Variants in NPAS3 observed in about 807,000 individuals in gnomAD.
NPAS3 encodes the protein neuronal PAS domain protein 3, also known as neuronal PAS domain-containing protein 3.
A neutral mutation model predicts 73.1 loss-of-function variants in NPAS3; 14 were observed. The observed-to-expected ratio is 0.19, with a 90% CI of 0.13 to 0.30. The LOEUF (loss-of-function observed/expected upper bound fraction) is 0.30. NPAS3 is among the 10% of genes least tolerant of loss of function. NPAS3 has a pLI of 1.00. For synonymous variants in NPAS3, 620 were observed against 541.5 expected, an observed-to-expected ratio of 1.14 and a Z score of -2.01; for missense variants, 1,096 against 1,250.0, an observed-to-expected ratio of 0.88 and a Z score of 1.86.
At chr14:33,404,922 G>A (rs2047597939) in intron 4 of NPAS3, among the ~76,000 whole-genome samples, 1 of 152,028 alleles carries the variant, frequency 6.6e-6, no homozygotes, top group South Asian at 2.1e-4. Context: ...TCTGGTCATT[G>A]TTGTCTGTTT....
chr14:33,286,002 T>G (rs2041859994), intron 3 of NPAS3, among the ~76,000 whole-genome samples: 1 of 152,168 alleles, frequency 6.6e-6, no homozygotes, highest in Admixed American at 6.5e-5. Flanking sequence ...TACACTGTTT[T>G]ATGGGATGTC....
chr14:33,532,543 A>G (rs2054091022), intron 4 of NPAS3, among the ~76,000 whole-genome samples: 1 of 152,060 alleles, frequency 6.6e-6, no homozygotes, highest in South Asian at 2.1e-4. Flanking sequence ...TGATTTGTCC[A>G]AGCTCATAGG....
At chr14:33,433,653 C>T (rs2048867505) in intron 4 of NPAS3, among the ~76,000 whole-genome samples, 1 of 152,120 alleles carries the variant, frequency 6.6e-6, no homozygotes, top group Non-Finnish European at 1.5e-5. Flanking sequence ...TCTTGGACTT[C>T]ATTTATATGT....
intron 5 of NPAS3, among the ~76,000 whole-genome samples, chr14:33,664,274 T>C (rs1372459906): frequency 1.3e-5 from 2 of 152,136 alleles, no homozygotes; most frequent in Non-Finnish European, 2.9e-5. Context: ...GGGGAAAGGA[T>C]TCCCTATTTA....
intron 1 of NPAS3, among the ~76,000 whole-genome samples, chr14:33,016,138 T>G (rs2039384202): frequency 6.6e-6 from 1 of 152,148 alleles, no homozygotes; most frequent in East Asian, 1.9e-4. Flanking sequence ...AACGATGGAA[T>G]AATTGAATAC....
chr14:33,070,848 G>A (rs138476786), intron 2 of NPAS3, among the ~76,000 whole-genome samples: 3 of 152,280 alleles, frequency 2.0e-5, no homozygotes, highest in African/African-American at 4.8e-5. Flanking sequence ...GACTTTGTGC[G>A]ACATAGGTAT....
intron 6 of NPAS3, among the ~76,000 whole-genome samples, chr14:33,685,725 C>T (rs1045286705): frequency 6.6e-6 from 1 of 152,208 alleles, no homozygotes; most frequent in African/African-American, 2.4e-5. Context: ...ATTCTGATAA[C>T]ATTAATGATA....
intron 2 of NPAS3, among the ~76,000 whole-genome samples, chr14:33,142,456 A>G (rs543399265): frequency 7.9e-5 from 12 of 152,148 alleles, no homozygotes; most frequent in African/African-American, 2.9e-4. Context: ...TTCATGCCCT[A>G]TACTAGGATC....
intron 3 of NPAS3, among the ~76,000 whole-genome samples, chr14:33,240,381 A>G (rs2048175748): frequency 1.3e-5 from 2 of 151,468 alleles, no homozygotes; most frequent in East Asian, 3.9e-4. Context: ...TTTTCTTTTT[A>G]ATATATTTCA....
At chr14:33,221,258 T>C (rs2047415405) in intron 3 of NPAS3, among the ~76,000 whole-genome samples, 1 of 152,178 alleles carries the variant, frequency 6.6e-6, no homozygotes. Context: ...CATGGTGTCA[T>C]TTCTGTTCAG....
At chr14:33,514,686 G>A (rs1174189650) in intron 4 of NPAS3, among the ~76,000 whole-genome samples, 6 of 151,992 alleles carry the variant, frequency 3.9e-5, no homozygotes, top group Admixed American at 1.3e-4. Flanking sequence ...CTAAAAGATC[G>A]TACTGTACCT....
In NPAS3 at chr14:33,472,963, A is replaced by G. The variant is rs557458872; in HGVS notation, c.469-87158A>G. Among the ~76,000 whole-genome samples the G allele has an allele frequency of 2.0e-5, 3 of 147,170 alleles. No individual in the cohort carries two copies. The South Asian group carries it at 6.2e-4, about 31-fold the overall frequency. Reference sequence around the variant, plus strand: ...AAAAAGCAAAAACAGCCGAAACCCAATCAAACAGTAGTGGATCTAAACGGA... The same window carrying G: ...AAAAAGCAAAAACAGCCGAAACCCAGTCAAACAGTAGTGGATCTAAACGGA... On this transcript the variant is annotated intron_variant, in intron 4 of 11. Transcript: ENST00000356141.
chr14:33,206,834 C>A (rs1360413651), intron 2 of NPAS3, among the ~76,000 whole-genome samples: 6 of 152,150 alleles, frequency 3.9e-5, no homozygotes, highest in Admixed American at 3.9e-4. Flanking sequence ...TTGTCCTTTG[C>A]ATGGTCAGTG....
exon 4 of NPAS3, chr14:33,367,192 G>T: frequency 1.2e-6 from 1 of 858,956 alleles, no homozygotes; most frequent in African/African-American, 1.7e-5. Flanking sequence ...TAAGTTATAG[G>T]TGCACAGCGA....
chr14:33,431,746 TG>T (rs2048793182), intron 4 of NPAS3, among the ~76,000 whole-genome samples: 1 of 152,198 alleles, frequency 6.6e-6, no homozygotes, highest in East Asian at 1.9e-4. Flanking sequence ...TCAATTTTGA[TG>T]ATTCTTTTTT....
At chr14:33,354,217 C>T (rs1465864383) in intron 3 of NPAS3, among the ~76,000 whole-genome samples, 1 of 152,136 alleles carries the variant, frequency 6.6e-6, no homozygotes, top group East Asian at 1.9e-4. Context: ...ACTCTCCCTT[C>T]ATAGGAGAGT....
intron 4 of NPAS3, among the ~76,000 whole-genome samples, chr14:33,476,763 G>T (rs1015825167): frequency 1.3e-5 from 2 of 152,086 alleles, no homozygotes; most frequent in African/African-American, 4.8e-5. Context: ...TTTACCTTGT[G>T]GGGTATTTGT....
intron 5 of NPAS3, among the ~76,000 whole-genome samples, chr14:33,582,970 G>GTTTTCTTTTT (rs2056726966): frequency 2.1e-5 from 2 of 93,304 alleles, no homozygotes; most frequent in African/African-American, 7.8e-5. Flanking sequence ...TATTTAAAGG[G>GTTTTCTTTTT]TTTTTTTTTT....
chr14:33,608,921 C>T (rs960850295), intron 5 of NPAS3, among the ~76,000 whole-genome samples: 5 of 152,166 alleles, frequency 3.3e-5, no homozygotes, highest in Non-Finnish European at 5.9e-5. Flanking sequence ...CCCAGACATA[C>T]GGTGCATATG....
Sources: gnomAD v4.1 joint callset for allele counts (sites outside exome capture counted in the v4.1 genomes callset) on GRCh38, gnomAD v4.1.1 for gene constraint, MANE v1.5 for transcripts, NCBI Gene and HGNC (gene_info 2026-07-23, HGNC 2026-07-21) for gene names.